The following TCF12 variants were observed in gnomAD, a reference collection of about 807,000 sequenced individuals.
TCF12 encodes transcription factor 12.
In TCF12, 45 loss-of-function variants were observed where a neutral mutation model predicts 86.0. The ratio of observed to expected loss-of-function variants is 0.52; its 90% confidence interval spans 0.41 to 0.67. TCF12 has a LOEUF of 0.67. Ranked by LOEUF, TCF12 falls within the 30% of genes least tolerant of loss-of-function variation. The probability of loss-of-function intolerance (pLI) is 0.00; values close to 1 mark genes in which losing one functional copy is unlikely to be tolerated. For missense variants in TCF12, 881 were observed against 859.9 expected (o/e 1.02, Z -0.31); for synonymous variants, 330 against 299.6 (o/e 1.10, Z -1.05).
chr15:57,030,516 G>A (rs1387542497), intron 3 of TCF12, among the ~76,000 whole-genome samples: 1 of 152,152 alleles, frequency 6.6e-6, no homozygotes, highest in East Asian at 1.9e-4. Flanking sequence ...ATAGGAAAGA[G>A]CCACTGTACC....
chr15:57,207,945 ATATACT>A lies in TCF12; in HGVS notation c.579+10121_579+10126del, dbSNP rs551918363. Among the ~76,000 whole-genome samples, 571 of 152,198 alleles carry A rather than the reference ATATACT, an allele frequency of 3.8e-3. 4 individuals carry two copies. The highest frequency in any genetic ancestry group is 0.013 in the African/African-American group (558 of 41,530). Reference sequence around the variant, plus strand: ...ATCCCTTCTGTCAAAATCAACAAATATATACTAAGTCCTTATCGTGAATGAAGAACT... The same window carrying A: ...ATCCCTTCTGTCAAAATCAACAAATAAAGTCCTTATCGTGAATGAAGAACT... On this transcript the variant is annotated intron_variant, in intron 8 of 20. Transcript: ENST00000333725.
At chr15:57,213,946 G>T (rs2058224276) in intron 8 of TCF12, 1 of 151,894 alleles carries the variant, frequency 6.6e-6, no homozygotes, top group African/African-American at 2.4e-5. Context: ...CATCCTCATT[G>T]TTTTTTTTAA....
chr15:56,999,288 A>G (rs2063887006), intron 3 of TCF12, among the ~76,000 whole-genome samples: 1 of 152,134 alleles, frequency 6.6e-6, no homozygotes, highest in African/African-American at 2.4e-5. Flanking sequence ...TAAAAGCAGT[A>G]AAACAGTAGC....
chr15:57,205,345 A>G (rs1290529044), intron 8 of TCF12, among the ~76,000 whole-genome samples: 1 of 152,186 alleles, frequency 6.6e-6, no homozygotes, highest in Non-Finnish European at 1.5e-5. Context: ...CAAGGCCCTT[A>G]AGACTAGCAA....
intron 3 of TCF12, among the ~76,000 whole-genome samples, chr15:57,062,555 T>C (rs903299793): frequency 6.6e-6 from 1 of 152,216 alleles, no homozygotes; most frequent in Non-Finnish European, 1.5e-5. Context: ...CATTCTACTT[T>C]GGAAACTGAC....
At chr15:57,282,331 T>G in intron 19 of TCF12, 114 bp from the exon 20 acceptor site, 1 of 1,251,522 alleles carries the variant, frequency 8.0e-7, no homozygotes, top group Non-Finnish European at 1.1e-6. Context: ...TTCTTCTATG[T>G]GATGGTACTT....
intron 5 of TCF12, among the ~76,000 whole-genome samples, chr15:57,148,745 T>G (rs1213614385): frequency 1.4e-5 from 2 of 146,448 alleles, no homozygotes; most frequent in African/African-American, 5.1e-5. Flanking sequence ...GGCATGGTGG[T>G]GTGCACCTGT....
intron 5 of TCF12, among the ~76,000 whole-genome samples, chr15:57,104,435 CTTTTTTTTTTT>C (rs71113062): frequency 1.9e-5 from 2 of 103,342 alleles, no homozygotes; most frequent in South Asian, 5.9e-4. Context: ...TTTTTTTTTT[CTTTTTTTTTTT>C]TTTTTTTTTT....
At chr15:56,921,430 T>C (rs1398922622) in intron 3 of TCF12, among the ~76,000 whole-genome samples, 1 of 129,054 alleles carries the variant, frequency 7.7e-6, no homozygotes, top group African/African-American at 2.9e-5. Flanking sequence ...ATGTTTAGAG[T>C]AAGTTAAAGT....
chr15:57,245,924 T>C (rs1247472886), intron 13 of TCF12, among the ~76,000 whole-genome samples: 1 of 151,950 alleles, frequency 6.6e-6, no homozygotes, highest in African/African-American at 2.4e-5. Flanking sequence ...TTGGTTCTTA[T>C]CTACACACAC....
intron 4 of TCF12, among the ~76,000 whole-genome samples, chr15:57,064,302 A>G (rs141087429): frequency 1.3e-5 from 2 of 152,318 alleles, no homozygotes; most frequent in African/African-American, 4.8e-5. Context: ...AACAGTTAAG[A>G]GAAAATAGGA....
chr15:57,270,041 T>A (rs1458308281), intron 18 of TCF12, among the ~76,000 whole-genome samples: 1 of 152,186 alleles, frequency 6.6e-6, no homozygotes, highest in Non-Finnish European at 1.5e-5. Context: ...TGTCTTGGAG[T>A]TGCTCATCTT....
intron 7 of TCF12, among the ~76,000 whole-genome samples, chr15:57,193,060 G>A (rs2057066791): frequency 6.6e-6 from 1 of 152,090 alleles, no homozygotes; most frequent in African/African-American, 2.4e-5. Flanking sequence ...AAATTTGCAA[G>A]GTGGTTTTAT....
intron 3 of TCF12, among the ~76,000 whole-genome samples, chr15:56,960,428 G>A (rs1360793423): frequency 2.5e-5 from 3 of 120,874 alleles, no homozygotes; most frequent in African/African-American, 8.8e-5. Flanking sequence ...CTACTGTATT[G>A]TATTTTTTTT....
chr15:57,251,441 A>C lies in TCF12; in HGVS notation c.1188+18A>C, dbSNP rs767316655. 5.0e-6 allele frequency: 8 copies of C among 1,611,474 alleles called. No individual in the cohort carries two copies. Among genetic ancestry groups the C allele is most frequent in the South Asian group, 3.3e-5 (3 of 90,916 alleles). ...ACTCCCTGGTAAGAGCCTCTTATAC[A>C]TCAGTTTTATCTGATAGCTTAGAGT... On this transcript the variant is annotated intron_variant, in intron 14 of 20. Coordinates refer to ENST00000333725, the MANE Select transcript of TCF12 (RefSeq NM_207037.2).
chr15:57,175,584 A>G (rs960326382), intron 6 of TCF12, among the ~76,000 whole-genome samples: 4 of 152,206 alleles, frequency 2.6e-5, no homozygotes, highest in African/African-American at 7.2e-5. Flanking sequence ...TTAAACAGCA[A>G]TTTTGATCTT....
At position 57,075,824 on chromosome 15, in the gene TCF12, C is replaced by T. The variant is rs12900688; in HGVS notation, c.222+12001C>T. On this transcript the variant is annotated intron_variant, in intron 4 of 20. Transcript: ENST00000333725. ...TTTCTTTCTCTCTCTCTCTCTCTCT[C>T]TCTCTCTCTCTTTTCTTTCTTTCTT... Among the ~76,000 whole-genome samples, 483 of 52,776 alleles carry T rather than the reference C, an allele frequency of 9.2e-3. 5 individuals are homozygous for T. The highest frequency in any genetic ancestry group is 0.021 in the East Asian group (23 of 1,098). The allele number at this position is 52,776 out of a possible 152,430, so 34.6% of individuals were successfully genotyped here. A position where few individuals can be genotyped will look rare whatever the true frequency, so the allele number is the denominator to read the frequency against.
intron 5 of TCF12, among the ~76,000 whole-genome samples, chr15:57,092,587 T>C (rs2049059226): frequency 6.6e-6 from 1 of 152,130 alleles, no homozygotes; most frequent in African/African-American, 2.4e-5. Context: ...CAAGCTTGTT[T>C]TTTTCAGTTT....
chr15:56,970,429 G>A (rs1329941331), intron 3 of TCF12, among the ~76,000 whole-genome samples: 2 of 136,464 alleles, frequency 1.5e-5, no homozygotes, highest in South Asian at 2.4e-4. Flanking sequence ...GCAGTGAGCC[G>A]AGACCACGCC....
Sources: gnomAD v4.1 joint callset for allele counts (sites outside exome capture counted in the v4.1 genomes callset) on GRCh38, gnomAD v4.1.1 for gene constraint, MANE v1.5 for transcripts, NCBI Gene and HGNC (gene_info 2026-07-23, HGNC 2026-07-21) for gene names.